The following RFX8 variants were observed in gnomAD, a reference collection of about 807,000 sequenced individuals.
RFX8 encodes the protein regulatory factor X8.
In RFX8, 46 loss-of-function variants were observed where a neutral mutation model predicts 54.6. The observed-to-expected ratio is 0.84, with a 90% CI of 0.67 to 1.08. RFX8 has a LOEUF of 1.08. Ranked by LOEUF, RFX8 falls within the 50% of genes least tolerant of loss-of-function variation. The probability of loss-of-function intolerance (pLI) is 0.00; values close to 1 mark genes in which losing one functional copy is unlikely to be tolerated. For missense variants in RFX8, 536 were observed against 562.3 expected (o/e 0.95, Z 0.47); for synonymous variants, 192 against 209.5 (o/e 0.92, Z 0.72).
In RFX8 at chr2:101,466,769, C is replaced by T. The variant is rs959386701; in HGVS notation, c.72+8G>A. 22 of 1,547,208 alleles carry T rather than the reference C, an allele frequency of 1.4e-5. No individual in the cohort carries two copies. In the African/African-American group the frequency reaches 2.9e-4, roughly 20 times the overall value. ...TGAATAGAGCGTTCTTAATCTTCAACAACTTACCTTCCCAAAGGTGGCCGG... is the reference window on the plus strand; with the variant it reads ...TGAATAGAGCGTTCTTAATCTTCAATAACTTACCTTCCCAAAGGTGGCCGG... On this transcript the variant is annotated splice_region_variant and intron_variant, in intron 2 of 11. Transcript: ENST00000428343.
At chr2:101,446,974 A>G (rs988122915) in intron 2 of RFX8, among the ~76,000 whole-genome samples, 5 of 152,220 alleles carry the variant, frequency 3.3e-5, no homozygotes, top group East Asian at 1.9e-4. Context: ...ATTTTTGCCA[A>G]TGTAACTTTT....
chr2:101,399,652 C>A (rs1022425365), intron 11 of RFX8, among the ~76,000 whole-genome samples: 2 of 152,180 alleles, frequency 1.3e-5, no homozygotes, highest in African/African-American at 4.8e-5. Context: ...TGGGTACTTA[C>A]TACATTCTAG....
intron 9 of RFX8, among the ~76,000 whole-genome samples, chr2:101,407,830 C>T (rs1008232132): frequency 2.0e-5 from 3 of 152,224 alleles, no homozygotes; most frequent in African/African-American, 7.2e-5. Flanking sequence ...GTCACGTCCA[C>T]AGTGTGGCAC....
chr2:101,474,270 G>C, intron 1 of RFX8: 1 of 600,092 alleles, frequency 1.7e-6, no homozygotes, highest in Admixed American at 3.0e-5. Context: ...GCACCCCCTC[G>C]GCCATGGCTC....
At chr2:101,415,314 C>A (rs1050335032) in intron 6 of RFX8, among the ~76,000 whole-genome samples, 3 of 152,172 alleles carry the variant, frequency 2.0e-5, no homozygotes, top group African/African-American at 7.2e-5. Context: ...GCCTCTTTCA[C>A]CATGTGAAGA....
At chr2:101,403,287 C>T (rs901613196) in intron 10 of RFX8, among the ~76,000 whole-genome samples, 2 of 152,186 alleles carry the variant, frequency 1.3e-5, no homozygotes, top group African/African-American at 4.8e-5. Context: ...GGCGTCTTCT[C>T]AGGTGGGCCT....
intron 2 of RFX8, among the ~76,000 whole-genome samples, chr2:101,445,964 G>C (rs1333711309): frequency 6.6e-6 from 1 of 152,074 alleles, no homozygotes; most frequent in African/African-American, 2.4e-5. Flanking sequence ...TTGTCACACA[G>C]GTCCTTATAT....
chr2:101,474,112 G>T (rs115799352), intron 1 of RFX8: 1 of 528,320 alleles, frequency 1.9e-6, no homozygotes, highest in South Asian at 2.5e-5. Flanking sequence ...CTTTGACCCG[G>T]CGTCCCGAGG....
intron 2 of RFX8, among the ~76,000 whole-genome samples, chr2:101,460,362 A>G (rs1188681847): frequency 6.6e-6 from 1 of 152,156 alleles, no homozygotes; most frequent in Admixed American, 6.5e-5. Flanking sequence ...AGCTGTTCCT[A>G]TTCGGCCATC....
rs988931559 is a variant in RFX8, at chr2:101,417,959, C to T, written c.352-275G>A. On this transcript the variant is annotated intron_variant, in intron 5 of 11. Coordinates refer to ENST00000428343, the MANE Select transcript of RFX8 (RefSeq NM_001145664.2). ...AGGCTGGAGTGCAGTGGCATGATCTCGGCTCACTGCAACCTCCGCCTCCCG... is the reference window on the plus strand; with the variant it reads ...AGGCTGGAGTGCAGTGGCATGATCTTGGCTCACTGCAACCTCCGCCTCCCG... Among the ~76,000 whole-genome samples, 10 of 152,246 alleles carry T rather than the reference C, an allele frequency of 6.6e-5. No homozygotes were observed. In the South Asian group the frequency reaches 8.3e-4, roughly 13 times the overall value.
chr2:101,427,590 C>G (rs1190380132), intron 2 of RFX8, among the ~76,000 whole-genome samples: 1 of 152,190 alleles, frequency 6.6e-6, no homozygotes, highest in African/African-American at 2.4e-5. Flanking sequence ...CGTGTGATAA[C>G]AGATTTGTGT....
chr2:101,443,283 G>C (rs568523649), intron 2 of RFX8, among the ~76,000 whole-genome samples: 8 of 152,076 alleles, frequency 5.3e-5, no homozygotes, highest in African/African-American at 1.9e-4. Context: ...ATTATTTCCA[G>C]GGTTTACAGT....
intron 1 of RFX8, among the ~76,000 whole-genome samples, chr2:101,469,041 T>TATATAA (rs577848709): frequency 9.6e-5 from 2 of 20,874 alleles, no homozygotes; most frequent in East Asian, 1.2e-3. Context: ...CGTATATATA[T>TATATAA]GTATATATAT....
At chr2:101,460,961 A>G (rs915258027) in intron 2 of RFX8, among the ~76,000 whole-genome samples, 7 of 151,672 alleles carry the variant, frequency 4.6e-5, no homozygotes, top group Admixed American at 2.0e-4. Context: ...GAGAATCAAA[A>G]TGTACGGGAG....
At chr2:101,438,397 T>G (rs889604472) in intron 2 of RFX8, among the ~76,000 whole-genome samples, 8 of 152,186 alleles carry the variant, frequency 5.3e-5, no homozygotes, top group Non-Finnish European at 8.8e-5. Context: ...ACACTTAGAT[T>G]GCTTCCAAAT....
intron 2 of RFX8, among the ~76,000 whole-genome samples, chr2:101,429,309 C>A (rs1253346805): frequency 1.3e-5 from 2 of 152,156 alleles, no homozygotes; most frequent in Non-Finnish European, 2.9e-5. Context: ...AAAGAAAAAT[C>A]ATCATGAACG....
intron 2 of RFX8, among the ~76,000 whole-genome samples, chr2:101,439,517 T>A (rs1687967917): frequency 6.6e-6 from 1 of 152,146 alleles, no homozygotes; most frequent in Non-Finnish European, 1.5e-5. Context: ...TAAATTTAAG[T>A]CTACGATCCA....
intron 6 of RFX8, 93 bp downstream of exon 6, chr2:101,417,441 A>G: frequency 3.3e-6 from 4 of 1,213,354 alleles, no homozygotes; most frequent in Non-Finnish European, 4.5e-6. Flanking sequence ...CCTGGCCTCA[A>G]GCGATCCTCC....
At chr2:101,454,695 CTTT>C (rs965741418) in intron 2 of RFX8, among the ~76,000 whole-genome samples, 20 of 152,184 alleles carry the variant, frequency 1.3e-4, no homozygotes, top group Non-Finnish European at 2.6e-4. Flanking sequence ...TAAATGTCTT[CTTT>C]TGAGAAGAGT....
Sources: allele counts gnomAD v4.1 joint callset (sites outside exome capture counted in the v4.1 genomes callset), GRCh38; gene constraint gnomAD v4.1.1; transcripts MANE v1.5; gene names NCBI Gene and HGNC (gene_info 2026-07-23, HGNC 2026-07-21).